HERC3: variants seen among roughly 807,000 people sequenced by gnomAD.
HERC3 encodes HECT and RLD domain containing E3 ubiquitin protein ligase 3.
A neutral mutation model predicts 129.9 loss-of-function variants in HERC3; 58 were observed. The observed-to-expected ratio is 0.45, with a 90% CI of 0.36 to 0.56. The LOEUF is 0.56. Ranked by LOEUF, HERC3 falls within the 20% of genes least tolerant of loss-of-function variation. HERC3 has a pLI of 0.00. For synonymous variants in HERC3, 430 were observed against 451.0 expected (o/e 0.95, Z 0.59); for missense variants, 835 against 1,244.2 (o/e 0.67, Z 4.95).
rs991209102 is a variant in HERC3, at chr4:88,707,875, T to C, written c.*915T>C. 6.6e-6 allele frequency: 1 copy of C among 152,630 alleles called. No homozygotes were observed. Among genetic ancestry groups the C allele is most frequent in the African/African-American group, 2.4e-5 (1 of 41,440 alleles). 9.5% of individuals were successfully genotyped at this position (152,630 alleles called of 1,614,324 possible). ...TCACCTTATGTCCTCTACCATTTTCTCCTTCCTCCCTTCCCTTATTTTCTC... is the reference window on the plus strand; with the variant it reads ...TCACCTTATGTCCTCTACCATTTTCCCCTTCCTCCCTTCCCTTATTTTCTC... On this transcript the variant is annotated 3_prime_UTR_variant, in exon 26 of 26. Transcript: ENST00000402738.
intron 3 of HERC3, among the ~76,000 whole-genome samples, chr4:88,618,044 G>A (rs956792755): frequency 1.3e-5 from 2 of 152,224 alleles, no homozygotes; most frequent in African/African-American, 4.8e-5. Context: ...AAGCTGGAGA[G>A]AAAGGAACGA....
chr4:88,674,304 A>G (rs1731928097), intron 16 of HERC3, among the ~76,000 whole-genome samples: 1 of 152,144 alleles, frequency 6.6e-6, no homozygotes, highest in South Asian at 2.1e-4. Flanking sequence ...AATACAGACA[A>G]AACTGCTGAT....
Position 88,704,300 on chromosome 4 carries a change from T to G in HERC3, c.2841+19T>G, listed in dbSNP as rs760244855. ...GGAAGAGGTAAGCACAAAAGATCCT[T>G]TAACTCCTTTAACTCCGGCGAAGCA... On this transcript the variant is annotated intron_variant, in intron 24 of 25. Coordinates refer to ENST00000402738, the MANE Select transcript of HERC3 (RefSeq NM_014606.3). The G allele has an allele frequency of 4.3e-6, 7 of 1,609,448 alleles. No individual in the cohort carries two copies. The Admixed American group carries it at 1.0e-4, about 23-fold the overall frequency.
At chr4:88,548,952 C>T in the HERC3 span, among the ~76,000 whole-genome samples, 6 of 152,100 alleles carry the variant, frequency 3.9e-5, no homozygotes, top group South Asian at 6.2e-4. Flanking sequence ...TGAGCCACTG[C>T]GCCCGGCCCA....
At position 88,668,417 on chromosome 4, in the gene HERC3, A is replaced by G. The variant is rs142004610; in HGVS notation, c.1633+336A>G. 9.6e-3 allele frequency: 2,487 copies of G among 259,926 alleles called. 59 individuals are homozygous for G. The highest frequency in any genetic ancestry group is 0.054 in the African/African-American group (2,308 of 42,854). The allele number at this position is 259,926 out of a possible 1,614,324, so 16.1% of individuals were successfully genotyped here. On this transcript the variant is annotated intron_variant, in intron 14 of 25. Coordinates refer to ENST00000402738, the MANE Select transcript of HERC3 (RefSeq NM_014606.3). Reference sequence around the variant, plus strand: ...GTACGTTGGTCTTTCTCCTATGTCTAATTTAGGGGGTGGGAGTGAAGTGAA... The same window carrying G: ...GTACGTTGGTCTTTCTCCTATGTCTGATTTAGGGGGTGGGAGTGAAGTGAA...
At chr4:88,610,549 G>A (rs778789112) in intron 3 of HERC3, among the ~76,000 whole-genome samples, 6 of 151,966 alleles carry the variant, frequency 3.9e-5, no homozygotes, top group African/African-American at 1.4e-4. Context: ...AGATGGAGTT[G>A]CTCTGGTTCA....
intron 9 of HERC3, among the ~76,000 whole-genome samples, chr4:88,657,673 G>A (rs982508395): frequency 6.6e-6 from 1 of 152,182 alleles, no homozygotes; most frequent in Non-Finnish European, 1.5e-5. Flanking sequence ...TAAATGACAT[G>A]GTTTTAGGAA....
intron 2 of HERC3, among the ~76,000 whole-genome samples, chr4:88,604,889 A>G (rs62308698): frequency 0.02 from 3,113 of 152,310 alleles, 75 homozygotes; most frequent in African/African-American, 0.052. Flanking sequence ...CATTATCACC[A>G]ACACTTGTTG....
At chr4:88,565,041 A>G in the HERC3 span, among the ~76,000 whole-genome samples, 3 of 151,984 alleles carry the variant, frequency 2.0e-5, no homozygotes, top group Admixed American at 6.6e-5. Context: ...ATAGTTTCCA[A>G]TGTTCCTCTT....
At chr4:88,604,284 G>A (rs1246566024) in intron 2 of HERC3, among the ~76,000 whole-genome samples, 5 of 152,168 alleles carry the variant, frequency 3.3e-5, no homozygotes, top group Non-Finnish European at 7.3e-5. Flanking sequence ...CTCCCAAAGT[G>A]CTGGGATTAC....
the HERC3 span, among the ~76,000 whole-genome samples, chr4:88,555,158 C>T: frequency 3.3e-5 from 5 of 152,012 alleles, no homozygotes; most frequent in East Asian, 9.7e-4. Flanking sequence ...GTGGTGGTGC[C>T]TGTAGTCCCA....
the HERC3 span, among the ~76,000 whole-genome samples, chr4:88,579,818 C>T: frequency 6.6e-6 from 1 of 152,030 alleles, no homozygotes. Context: ...AATGTAATCA[C>T]CAGGGTCTTT....
chr4:88,589,679 A>G (rs931319943), upstream of HERC3, among the ~76,000 whole-genome samples: 2 of 152,216 alleles, frequency 1.3e-5, no homozygotes, highest in East Asian at 1.9e-4. Context: ...CAGTTTACGT[A>G]TCTGCTGTTA....
intron 25 of HERC3, among the ~76,000 whole-genome samples, chr4:88,706,428 T>A (rs1485922499): frequency 6.6e-6 from 1 of 152,186 alleles, no homozygotes; most frequent in Non-Finnish European, 1.5e-5. Flanking sequence ...GCACTTGAGG[T>A]GAGAGGAGAC....
At chr4:88,645,150 A>G (rs946689465) in intron 3 of HERC3, among the ~76,000 whole-genome samples, 1 of 152,124 alleles carries the variant, frequency 6.6e-6, no homozygotes, top group African/African-American at 2.4e-5. Context: ...GGTTGATAGT[A>G]TTTTGGAGAA....
chr4:88,603,204 CTTT>C (rs1191378063), intron 2 of HERC3, among the ~76,000 whole-genome samples: 4 of 131,052 alleles, frequency 3.1e-5, no homozygotes, highest in African/African-American at 5.7e-5. Flanking sequence ...ATCGCTTTCT[CTTT>C]TTTTTTTTTT....
intron 10 of HERC3, 43 bp downstream of exon 10, chr4:88,658,534 A>G: frequency 1.0e-6 from 1 of 997,670 alleles, no homozygotes; most frequent in Non-Finnish European, 1.6e-6. Context: ...AAGGAATAAT[A>G]GTGAACCAAC....
intron 14 of HERC3, 119 bp downstream of exon 14, chr4:88,668,200 A>ACCTTTTTTT: frequency 1.3e-6 from 1 of 753,300 alleles, no homozygotes; most frequent in South Asian, 1.8e-5. Context: ...TATCCTTAAC[A>ACCTTTTTTT]CTTAAAACCT....
At chr4:88,595,345 G>A (rs1392736477) in intron 1 of HERC3, among the ~76,000 whole-genome samples, 1 of 152,016 alleles carries the variant, frequency 6.6e-6, no homozygotes, top group East Asian at 1.9e-4. Context: ...ACTTTTAGAG[G>A]TGATTGATGT....
Sources: gnomAD v4.1 joint callset for allele counts (sites outside exome capture counted in the v4.1 genomes callset) on GRCh38, gnomAD v4.1.1 for gene constraint, MANE v1.5 for transcripts, NCBI Gene and HGNC (gene_info 2026-07-23, HGNC 2026-07-21) for gene names.